Variants in IDO2 observed in about 807,000 individuals in gnomAD.
The protein encoded by IDO2 is indoleamine 2,3-dioxygenase-like 1 protein.
IDO2 carries 46 observed loss-of-function variants against 45.1 expected under a neutral mutation model. The observed-to-expected ratio is 1.02, with a 90% confidence interval of 0.80 to 1.30. The LOEUF (loss-of-function observed/expected upper bound fraction) is 1.30. Among genes scored for constraint, IDO2 ranks in the 50% most tolerant of loss-of-function variants. IDO2 has a pLI of 0.00. For synonymous variants in IDO2, 218 were observed against 184.9 expected (o/e 1.18, Z -1.45); for missense variants, 544 against 491.8 (o/e 1.11, Z -1.00).
At chr8:40,010,735 A>G (rs1802297847) in intron 9 of IDO2, among the ~76,000 whole-genome samples, 1 of 152,182 alleles carries the variant, frequency 6.6e-6, no homozygotes, top group Admixed American at 6.5e-5. Flanking sequence ...CATTTACTCC[A>G]ATGAGGAAGA....
chr8:39,993,102 C>T (rs1334499383), intron 8 of IDO2, among the ~76,000 whole-genome samples: 2 of 152,176 alleles, frequency 1.3e-5, no homozygotes, highest in Admixed American at 6.5e-5. Context: ...GTCAACCGTG[C>T]GTGTCTGCAT....
chr8:40,003,702 T>A (rs1802174683), intron 8 of IDO2, among the ~76,000 whole-genome samples: 1 of 152,216 alleles, frequency 6.6e-6, no homozygotes, highest in African/African-American at 2.4e-5. Flanking sequence ...TCTTCATTTA[T>A]AAAATTTACA....
chr8:39,977,000 A>G (rs1808268946), intron 3 of IDO2, among the ~76,000 whole-genome samples: 1 of 152,210 alleles, frequency 6.6e-6, no homozygotes, highest in Non-Finnish European at 1.5e-5. Flanking sequence ...GAAAAGTATT[A>G]ATAATTTTCT....
At chr8:40,004,573 G>T (rs1163920283) in intron 8 of IDO2, among the ~76,000 whole-genome samples, 1 of 146,800 alleles carries the variant, frequency 6.8e-6, no homozygotes, top group African/African-American at 2.5e-5. Context: ...ATAGACGATA[G>T]ATAGATAGAT....
intron 1 of IDO2, among the ~76,000 whole-genome samples, chr8:39,937,955 A>G (rs1397913546): frequency 6.6e-6 from 1 of 152,228 alleles, no homozygotes; most frequent in Non-Finnish European, 1.5e-5. Context: ...TTGCATTTGT[A>G]TATTTGTAAT....
Position 39,942,501 on chromosome 8 carries a change from G to A in IDO2, c.-17-6648G>A, listed in dbSNP as rs968606111. Among the ~76,000 whole-genome samples the A allele has an allele frequency of 8.5e-5, 13 of 152,132 alleles. No individual in the cohort carries two copies. The South Asian group carries it at 1.0e-3, about 12-fold the overall frequency. The stretch of plus-strand genomic sequence containing the variant: ...TCTACCAAAACCACAATTACCCAGC[G>A]TGGTGGCGGGCACTTATAGTACCAA... On this transcript the variant is annotated intron_variant, in intron 1 of 10. Transcript: ENST00000502986.
intron 6 of IDO2, among the ~76,000 whole-genome samples, chr8:39,986,709 G>GATAT (rs2129594651): frequency 1.3e-5 from 2 of 151,274 alleles, no homozygotes; most frequent in African/African-American, 4.9e-5. Flanking sequence ...TAGATAGATA[G>GATAT]ATAGATAGAC....
exon 11 of IDO2, chr8:40,015,595 G>C: frequency 1.2e-6 from 2 of 1,608,078 alleles, no homozygotes; most frequent in Non-Finnish European, 1.7e-6. Flanking sequence ...CTTCACCCAC[G>C]TGGTTAGGAG....
At position 39,995,179 on chromosome 8, in the gene IDO2, CCTTCTT is replaced by C. The variant is rs1293164862; in HGVS notation, c.667+5359_667+5364del. 250 of 112,960 alleles carry C rather than the reference CCTTCTT, an allele frequency of 2.2e-3. 3 individuals carry two copies. The highest frequency in any genetic ancestry group is 3.4e-3 in the African/African-American group (97 of 28,490). The allele number at this position is 112,960 out of a possible 1,614,324, so 7.0% of individuals were successfully genotyped here. A position where few individuals can be genotyped will look rare whatever the true frequency, so the allele number is the denominator to read the frequency against. ...TTCTCCTCCTCCTCCTCCTCTTCTT[CCTTCTT>C]CTTCTTCTTCTTCTTCTCCTTCTCC... On this transcript the variant is annotated intron_variant, in intron 8 of 10. Coordinates refer to ENST00000502986, the Ensembl canonical transcript of IDO2.
chr8:40,013,315 A>G (rs1173200702), intron 9 of IDO2, among the ~76,000 whole-genome samples: 3 of 152,144 alleles, frequency 2.0e-5, no homozygotes, highest in African/African-American at 7.2e-5. Flanking sequence ...ATTCCTCTCT[A>G]AATAGCCTTT....
At chr8:39,975,123 A>T (rs1346049467) in intron 3 of IDO2, among the ~76,000 whole-genome samples, 1 of 151,812 alleles carries the variant, frequency 6.6e-6, no homozygotes, top group African/African-American at 2.4e-5. Context: ...TCTCAAAAAA[A>T]AAATAAAGAT....
At chr8:39,979,108 G>T in exon 4 of IDO2, 1 of 1,601,270 alleles carries the variant, frequency 6.2e-7, no homozygotes, top group Non-Finnish European at 8.5e-7. Flanking sequence ...GTCACCGGGA[G>T]CAGCGCCTGG....
chr8:40,011,148 C>T (rs112938507), intron 9 of IDO2, among the ~76,000 whole-genome samples: 2,444 of 152,216 alleles, frequency 0.016, 64 homozygotes, highest in African/African-American at 0.056. Flanking sequence ...TGACCTCAAT[C>T]GATCTCCCCG....
chr8:39,975,649 A>AAAAAAC (rs1254212606), intron 3 of IDO2, among the ~76,000 whole-genome samples: 1 of 152,172 alleles, frequency 6.6e-6, no homozygotes, highest in Non-Finnish European at 1.5e-5. Flanking sequence ...GCAGGAATAT[A>AAAAAAC]AAACACCTGA....
intron 5 of IDO2, 108 bp downstream of exon 5, chr8:39,982,878 C>T: frequency 2.8e-6 from 2 of 716,100 alleles, no homozygotes; most frequent in Non-Finnish European, 4.4e-6. Context: ...CCGTATGGTT[C>T]CAAAGAAGGG....
chr8:39,998,257 A>G (rs1802079864), intron 8 of IDO2: 1 of 152,276 alleles, frequency 6.6e-6, no homozygotes, highest in Non-Finnish European at 1.5e-5. Flanking sequence ...CATTTGAGAT[A>G]TGGCATGTTT....
intron 10 of IDO2, 99 bp downstream of exon 10, chr8:40,013,812 T>G: frequency 1.0e-6 from 1 of 984,934 alleles, no homozygotes; most frequent in South Asian, 2.0e-5. Context: ...AATTAAAATG[T>G]CATGAAGTTT....
At chr8:39,991,451 T>C (rs149577625) in intron 8 of IDO2, among the ~76,000 whole-genome samples, 20 of 152,276 alleles carry the variant, frequency 1.3e-4, no homozygotes, top group African/African-American at 4.6e-4. Flanking sequence ...AAGGAAGCAA[T>C]TTTGGAAGAT....
chr8:40,005,882 GA>G (rs1418885829), intron 9 of IDO2, among the ~76,000 whole-genome samples: 2 of 152,184 alleles, frequency 1.3e-5, no homozygotes, highest in African/African-American at 4.8e-5. Flanking sequence ...TCTGGGAGGT[GA>G]TTATGTCTCC....
Sources: gnomAD v4.1 joint callset for allele counts (sites outside exome capture counted in the v4.1 genomes callset) on GRCh38, gnomAD v4.1.1 for gene constraint, MANE v1.5 for transcripts, NCBI Gene and HGNC (gene_info 2026-07-23, HGNC 2026-07-21) for gene names.